Variants in TICRR observed in about 807,000 individuals in gnomAD.
TICRR encodes treslin.
A neutral mutation model predicts 178.1 loss-of-function variants in TICRR; 132 were observed. The ratio of observed to expected loss-of-function variants is 0.74; its 90% CI spans 0.64 to 0.86. The LOEUF is 0.86. Ranked by LOEUF, TICRR falls within the 40% of genes least tolerant of loss-of-function variation. The pLI is 0.00. For synonymous variants in TICRR, 991 were observed against 900.7 expected (o/e 1.10, Z -1.79); for missense variants, 2,587 against 2,334.3 (o/e 1.11, Z -2.23).
At chr15:89,612,499 G>T (rs1347811774) in intron 15 of TICRR, among the ~76,000 whole-genome samples, 4 of 152,176 alleles carry the variant, frequency 2.6e-5, no homozygotes, top group African/African-American at 9.7e-5. Context: ...CTCCTGGAAT[G>T]TGGGCTGCTA....
At chr15:89,606,997 T>C (rs928036252) in intron 14 of TICRR, among the ~76,000 whole-genome samples, 172 bp downstream of exon 14, 10 of 152,078 alleles carry the variant, frequency 6.6e-5, no homozygotes. Context: ...TCTCAAAATA[T>C]TGTATTTTAC....
In TICRR at chr15:89,625,009, G is replaced by C. The variant is rs779413419; in HGVS notation, c.4699G>C (p.Ala1567Pro). ...CTATGAGGTTGAGCTGGAGATGCAAGCTTCTGGCCTTCCCAAACTTCGAAT... is the reference window on the plus strand; with the variant it reads ...CTATGAGGTTGAGCTGGAGATGCAACCTTCTGGCCTTCCCAAACTTCGAAT... ...QTYEVELEMQASGLPKLRIKK... is the reference protein window; with the variant it reads ...QTYEVELEMQPSGLPKLRIKK... The change falls in exon 20 of 22, where the codon GCT becomes CCT. Residue 1567 changes from alanine (A) to proline (P), a missense_variant. Coordinates refer to ENST00000268138, the MANE Select transcript of TICRR (RefSeq NM_152259.4). The C allele has an allele frequency of 6.2e-7, 1 of 1,614,096 alleles. No homozygotes were observed. The highest frequency in any genetic ancestry group is 1.1e-5 in the South Asian group (1 of 91,082).
chr15:89,590,828 A>G (rs1256082336), intron 4 of TICRR, among the ~76,000 whole-genome samples: 3 of 152,238 alleles, frequency 2.0e-5, no homozygotes, highest in Non-Finnish European at 4.4e-5. Context: ...GGTTGTCTCA[A>G]TAAGTTTGAA....
intron 8 of TICRR, among the ~76,000 whole-genome samples, chr15:89,599,970 G>A (rs1963066588): frequency 6.6e-6 from 1 of 152,176 alleles, no homozygotes; most frequent in South Asian, 2.1e-4. Context: ...GCTGGATGTG[G>A]TGGTAGGTGC....
At chr15:89,582,323 C>CA (rs35892715) in intron 1 of TICRR, 55,118 of 112,754 alleles carry the variant, frequency 0.49, 12,038 homozygotes, top group Non-Finnish European at 0.56. Context: ...GACTCTGACT[C>CA]AAAAAAAAAA....
chr15:89,613,353 T>A (rs1963282429), intron 15 of TICRR, among the ~76,000 whole-genome samples: 1 of 152,228 alleles, frequency 6.6e-6, no homozygotes, highest in African/African-American at 2.4e-5. Context: ...TTTCAAGATC[T>A]TCTTTTTTTC....
Position 89,585,722 on chromosome 15 carries a change from C to T in TICRR, c.1191C>T (p.Asp397=), listed in dbSNP as rs1189157430. The T allele has an allele frequency of 4.3e-6, 7 of 1,613,834 alleles. No homozygotes were observed. The highest frequency in any genetic ancestry group is 1.1e-5 in the South Asian group (1 of 91,066). ...TTCTCACGTAGGTTGCTGATGTGGA[C>T]CCTGGTGAAGGCCGGCCCCCCATCA... The part of the protein sequence containing the change: ...AEELHLVADV[D]PGEGRPPITG... The change falls in exon 4 of 22, where the codon GAC becomes GAT. Residue 397 remains aspartate, a synonymous_variant. Coordinates refer to ENST00000268138, the MANE Select transcript of TICRR (RefSeq NM_152259.4).
At chr15:89,605,043 T>TA (rs796691752) in intron 13 of TICRR, among the ~76,000 whole-genome samples, 11 of 150,290 alleles carry the variant, frequency 7.3e-5, no homozygotes, top group South Asian at 2.1e-4. Context: ...TCACAAGGAT[T>TA]AAAAAAAAAA....
intron 2 of TICRR, among the ~76,000 whole-genome samples, chr15:89,583,544 A>G (rs1962767579): frequency 1.3e-5 from 2 of 152,190 alleles, no homozygotes; most frequent in Admixed American, 1.3e-4. Context: ...AATTTTCAAG[A>G]GTAGTTTTGT....
At chr15:89,581,756 G>A (rs1962729992) in intron 1 of TICRR, among the ~76,000 whole-genome samples, 1 of 152,194 alleles carries the variant, frequency 6.6e-6, no homozygotes, top group South Asian at 2.1e-4. Context: ...GCAGTGGGAA[G>A]CCTTTCAGAA....
Position 89,582,917 on chromosome 15 carries a change from G to T in TICRR, c.886G>T (p.Glu296Ter). 6.2e-7 allele frequency: 1 copy of T among 1,614,154 alleles called. No individual in the cohort carries two copies. The highest frequency in any genetic ancestry group is 8.5e-7 in the Non-Finnish European group (1 of 1,180,010). The change falls in exon 2 of 22, where the codon GAG becomes TAG. Residue 296 changes from glutamate (E) to a stop codon, truncating the protein, a stop_gained. Transcript: ENST00000268138. LOFTEE classifies it high-confidence loss of function. The part of the protein sequence containing the change: ...NRLLYNSPEY[E>*]ASFPRMEGML... ...TTTGCTCTACAATTCTCCTGAGTATGAGGCCTCGTTTCCACGAATGGAAGG... is the reference window on the plus strand; with the variant it reads ...TTTGCTCTACAATTCTCCTGAGTATTAGGCCTCGTTTCCACGAATGGAAGG...
chr15:89,609,779 G>C (rs1425262449), intron 15 of TICRR, among the ~76,000 whole-genome samples: 4 of 151,348 alleles, frequency 2.6e-5, no homozygotes, highest in African/African-American at 9.8e-5. Context: ...GCCTCTATTG[G>C]TTTTCTAATC....
chr15:89,622,617 C>G (rs1303193956), intron 19 of TICRR, among the ~76,000 whole-genome samples: 1 of 151,908 alleles, frequency 6.6e-6, no homozygotes, highest in Non-Finnish European at 1.5e-5. Context: ...GTCTGAAAAC[C>G]ATAGATCTAC....
intron 7 of TICRR, among the ~76,000 whole-genome samples, chr15:89,597,420 G>T (rs1963015929): frequency 6.6e-6 from 1 of 151,488 alleles, no homozygotes; most frequent in Admixed American, 6.6e-5. Context: ...GCTACTTGGG[G>T]TTACTGAGTC....
intron 2 of TICRR, 116 bp downstream of exon 2, chr15:89,583,081 T>C: frequency 8.7e-7 from 1 of 1,151,584 alleles, no homozygotes; most frequent in South Asian, 1.7e-5. Flanking sequence ...CAACGAATGC[T>C]TGTCATGAAA....
intron 4 of TICRR, among the ~76,000 whole-genome samples, chr15:89,590,075 G>T (rs1394287027): frequency 6.6e-6 from 1 of 152,164 alleles, no homozygotes; most frequent in African/African-American, 2.4e-5. Flanking sequence ...ATGGCATGAT[G>T]GAAGGGTTGA....
rs1440504228 is a variant in TICRR at position 89,627,503 on chromosome 15, C to G, written c.*417C>G. ...TGCGACACAGGCAGCGCTTTGTAAA[C>G]TGTGAAGCCATATACGTGAAACTGA... On this transcript the variant is annotated 3_prime_UTR_variant, in exon 22 of 22. Transcript: ENST00000268138. The G allele has an allele frequency of 5.3e-6, 1 of 188,310 alleles. No homozygotes were observed. The highest frequency in any genetic ancestry group is 2.3e-5 in the African/African-American group (1 of 42,678). 11.7% of individuals were successfully genotyped at this position (188,310 alleles called of 1,614,324 possible).
chr15:89,624,502 T>G lies in TICRR; in HGVS notation c.4192T>G (p.Cys1398Gly), dbSNP rs1378607616. ...TSDPRRSIVE[C>G]QPDASATPGV... Reference sequence around the variant, plus strand: ...TGATCCCAGAAGGAGCATCGTGGAGTGTCAGCCTGATGCCTCCGCTACTCC... The same window carrying G: ...TGATCCCAGAAGGAGCATCGTGGAGGGTCAGCCTGATGCCTCCGCTACTCC... The change falls in exon 20 of 22, where the codon TGT becomes GGT. Residue 1398 changes from cysteine (C) to glycine (G), a missense_variant. Transcript: ENST00000268138. 1 of 1,613,934 alleles carries G rather than the reference T, an allele frequency of 6.2e-7. No individual in the cohort carries two copies. The highest frequency in any genetic ancestry group is 1.7e-5 in the Admixed American group (1 of 60,018).
At position 89,627,123 on chromosome 15, in the gene TICRR, A is replaced by G; in HGVS notation, c.*37A>G. On this transcript the variant is annotated 3_prime_UTR_variant, in exon 22 of 22. Coordinates refer to ENST00000268138, the MANE Select transcript of TICRR (RefSeq NM_152259.4). ...ACTGAGCCCAAAAGATCAAGGAGTC[A>G]GCCAGGACCCTGTGGACATAAAGAA... 2 of 1,612,230 alleles carry G rather than the reference A, an allele frequency of 1.2e-6. No homozygotes were observed. Among genetic ancestry groups the G allele is most frequent in the Middle Eastern group, 1.9e-4 (1 of 5,256 alleles).
Sources: gnomAD v4.1 joint callset for allele counts (sites outside exome capture counted in the v4.1 genomes callset) on GRCh38, gnomAD v4.1.1 for gene constraint, MANE v1.5 for transcripts, NCBI Gene and HGNC (gene_info 2026-07-23, HGNC 2026-07-21) for gene names.